MCPH1: variants seen among roughly 807,000 people sequenced by gnomAD.
MCPH1 encodes microcephalin.
In MCPH1, 104 loss-of-function variants were observed where a neutral mutation model predicts 84.5. That is an observed-to-expected ratio of 1.23 (90% CI 1.05 to 1.45). MCPH1 has a LOEUF of 1.45. Among genes scored for constraint, MCPH1 ranks in the 40% most tolerant of loss-of-function variants. The probability of loss-of-function intolerance (pLI) is 0.00; values close to 1 mark genes in which losing one functional copy is unlikely to be tolerated. For synonymous variants in MCPH1, 514 were observed against 366.8 expected (o/e 1.40, Z -4.58); for missense variants, 1,498 against 1,005.7 (o/e 1.49, Z -6.62).
At chr8:6,488,188 A>G (rs568840474) in intron 11 of MCPH1, among the ~76,000 whole-genome samples, 51 of 152,308 alleles carry the variant, frequency 3.3e-4, no homozygotes, top group African/African-American at 1.0e-3. Context: ...GAGCATGGGA[A>G]GCAGGCGCTG....
chr8:6,581,003 TACA>T (rs1183865123), intron 12 of MCPH1, among the ~76,000 whole-genome samples: 1 of 152,130 alleles, frequency 6.6e-6, no homozygotes, highest in Non-Finnish European at 1.5e-5. Flanking sequence ...AAAAATCGAG[TACA>T]ACAACTATTT....
rs75492686 is a variant in MCPH1, at chr8:6,589,926, C to T, written c.2215-31528C>T. 6.4e-3 allele frequency among the ~76,000 whole-genome samples: 971 copies of T among 152,228 alleles called. 50 individuals carry two copies. The East Asian group carries it at 0.11, about 17-fold the overall frequency. On this transcript the variant is annotated intron_variant, in intron 12 of 13. Coordinates refer to ENST00000344683, the MANE Select transcript of MCPH1 (RefSeq NM_024596.5). ...TGAAAATAATTCAATAGAGAAGTCT[C>T]GATTCATAAAAGACTAGTTTTACTC...
chr8:6,625,419 A>G (rs528577071), intron 13 of MCPH1: 1 of 985,406 alleles, frequency 1.0e-6, no homozygotes, highest in African/African-American at 1.7e-5. Context: ...GTTCATTTCC[A>G]TTATAACAAA....
At chr8:6,466,246 C>A (rs1027458072) in intron 9 of MCPH1, among the ~76,000 whole-genome samples, 1 of 150,592 alleles carries the variant, frequency 6.6e-6, no homozygotes, top group Non-Finnish European at 1.5e-5. Context: ...AAGTGATTCT[C>A]CTGCCTCAGC....
intron 12 of MCPH1, among the ~76,000 whole-genome samples, chr8:6,598,664 G>A (rs552192509): frequency 3.6e-4 from 55 of 152,366 alleles, no homozygotes; most frequent in African/African-American, 1.3e-3. Flanking sequence ...AACCTCTCGT[G>A]TGAGCCGGCG....
chr8:6,481,374 C>T (rs771609382), intron 11 of MCPH1, among the ~76,000 whole-genome samples: 6 of 152,144 alleles, frequency 3.9e-5, no homozygotes, highest in Non-Finnish European at 8.8e-5. Context: ...GCCCTTGTTT[C>T]TGTAGATTAA....
chr8:6,483,580 C>T (rs927197918), intron 11 of MCPH1, among the ~76,000 whole-genome samples: 1 of 152,152 alleles, frequency 6.6e-6, no homozygotes, highest in African/African-American at 2.4e-5. Flanking sequence ...ACAAGTGGTG[C>T]TGGAGCAGTT....
intron 12 of MCPH1, among the ~76,000 whole-genome samples, chr8:6,567,562 G>A (rs1386625150): frequency 6.6e-6 from 1 of 152,224 alleles, no homozygotes; most frequent in Non-Finnish European, 1.5e-5. Context: ...GGCCTGGGAT[G>A]CAAGTGTGCA....
In MCPH1 at chr8:6,445,913, T is replaced by G. The variant is rs2515570; in HGVS notation, c.1825+366T>G. 3 of 993,930 alleles carry G rather than the reference T, an allele frequency of 3.0e-6. No individual in the cohort carries two copies. The African/African-American group carries it at 5.2e-5, about 17-fold the overall frequency. The allele number at this position is 993,930 out of a possible 1,614,324, so 61.6% of individuals were successfully genotyped here. A position where few individuals can be genotyped will look rare whatever the true frequency, so the allele number is the denominator to read the frequency against. On this transcript the variant is annotated intron_variant, in intron 8 of 13. Transcript: ENST00000344683. ...TGTAAAGATGTATACGATAGAGAGT[T>G]TTTTAAAACCTAGGTTCTTAATAGT...
rs182234646 is a variant in MCPH1, at chr8:6,410,640, G to C, written c.114+1270G>C. 2.0e-5 allele frequency among the ~76,000 whole-genome samples: 3 copies of C among 152,268 alleles called. No individual in the cohort carries two copies. In the East Asian group the frequency reaches 5.8e-4, roughly 29 times the overall value. ...ACTAAACCGATCACTTTGATGACGG[G>C]TTTTACAAAAGGGAAAAGATTCATT... On this transcript the variant is annotated intron_variant, in intron 2 of 13. Transcript: ENST00000344683.
chr8:6,465,521 C>T (rs919958113), intron 9 of MCPH1, among the ~76,000 whole-genome samples: 13 of 152,168 alleles, frequency 8.5e-5, no homozygotes, highest in African/African-American at 2.9e-4. Context: ...GGGAAGTCTT[C>T]CTGGGAGGTT....
At chr8:6,639,885 T>G (rs1797813787) in intron 13 of MCPH1, among the ~76,000 whole-genome samples, 1 of 152,068 alleles carries the variant, frequency 6.6e-6, no homozygotes, top group Non-Finnish European at 1.5e-5. Context: ...TTTCTGTTAT[T>G]TTCATTGTTT....
intron 12 of MCPH1, among the ~76,000 whole-genome samples, chr8:6,611,310 C>G (rs1830245584): frequency 6.6e-6 from 1 of 152,214 alleles, no homozygotes; most frequent in Non-Finnish European, 1.5e-5. Context: ...GCCCCCCTAC[C>G]CATGCCAATT....
chr8:6,420,277 G>T lies in MCPH1; in HGVS notation c.233+5394G>T, dbSNP rs534276609. Among the ~76,000 whole-genome samples the T allele has an allele frequency of 3.3e-5, 5 of 152,168 alleles. No homozygotes were observed. In the East Asian group the frequency reaches 7.7e-4, roughly 24 times the overall value. ...GCTGTGTGGGTTCTCTGTTGTGGCAGTTGTGCTGGGTGTCCTCTTTCTGAG... is the reference window on the plus strand; with the variant it reads ...GCTGTGTGGGTTCTCTGTTGTGGCATTTGTGCTGGGTGTCCTCTTTCTGAG... On this transcript the variant is annotated intron_variant, in intron 3 of 13. Transcript: ENST00000344683.
intron 13 of MCPH1, among the ~76,000 whole-genome samples, chr8:6,637,379 C>A (rs759070510): frequency 6.6e-6 from 1 of 152,150 alleles, no homozygotes; most frequent in Non-Finnish European, 1.5e-5. Flanking sequence ...AGGATGGACT[C>A]TTGTAGGTCT....
chr8:6,609,828 C>CCCCCCCCCACA (rs1475345162), intron 12 of MCPH1, among the ~76,000 whole-genome samples: 6 of 108,718 alleles, frequency 5.5e-5, no homozygotes, highest in African/African-American at 8.9e-5. Flanking sequence ...CGCCCCCCCC[C>CCCCCCCCCACA]CACACACAGA....
chr8:6,433,487 G>A (rs1028936622), intron 4 of MCPH1, among the ~76,000 whole-genome samples: 1 of 151,810 alleles, frequency 6.6e-6, no homozygotes, highest in African/African-American at 2.4e-5. Context: ...ACAAAAATTA[G>A]CCCAACCTGG....
rs920292224 is a variant in MCPH1 at position 6,637,955 on chromosome 8, G to T, written c.2453-5039G>T. Reference sequence around the variant, plus strand: ...GTGGCATATTAGAGAAAGAAGACTCGAAGGTGGCACCTAGTCTTGTGTTCT... The same window carrying T: ...GTGGCATATTAGAGAAAGAAGACTCTAAGGTGGCACCTAGTCTTGTGTTCT... On this transcript the variant is annotated intron_variant, in intron 13 of 13. Coordinates refer to ENST00000344683, the MANE Select transcript of MCPH1 (RefSeq NM_024596.5). 4.6e-5 allele frequency among the ~76,000 whole-genome samples: 7 copies of T among 152,240 alleles called. 1 individual carries two copies. The Middle Eastern group carries it at 0.024, about 518-fold the overall frequency.
chr8:6,597,398 G>A (rs1158642365), intron 12 of MCPH1, among the ~76,000 whole-genome samples: 1 of 152,184 alleles, frequency 6.6e-6, no homozygotes. Flanking sequence ...GGACTAGAAG[G>A]TAGACTCCAG....
Sources: gnomAD v4.1 joint callset for allele counts (sites outside exome capture counted in the v4.1 genomes callset) on GRCh38, gnomAD v4.1.1 for gene constraint, MANE v1.5 for transcripts, NCBI Gene and HGNC (gene_info 2026-07-23, HGNC 2026-07-21) for gene names.